The following PPP1R9A variants were observed in gnomAD, a reference collection of about 807,000 sequenced individuals.
PPP1R9A encodes protein phosphatase 1 regulatory subunit 9A.
In PPP1R9A, 59 loss-of-function variants were observed where a neutral mutation model predicts 141.9. That is an observed-to-expected ratio of 0.42 (90% confidence interval 0.34 to 0.52). PPP1R9A has a LOEUF of 0.52. Among genes scored for constraint, PPP1R9A ranks in the 20% least tolerant of loss-of-function variants. The probability of loss-of-function intolerance (pLI) is 0.10; values close to 1 mark genes in which losing one functional copy is unlikely to be tolerated. For synonymous variants in PPP1R9A, 500 were observed against 569.7 expected, an observed-to-expected ratio of 0.88 and a Z score of 1.74; for missense variants, 1,444 against 1,611.9, an observed-to-expected ratio of 0.90 and a Z score of 1.78.
intron 2 of PPP1R9A, among the ~76,000 whole-genome samples, chr7:95,056,451 C>G (rs1308050150): frequency 6.6e-6 from 1 of 152,086 alleles, no homozygotes; most frequent in Non-Finnish European, 1.5e-5. Flanking sequence ...TATATTTTTT[C>G]TTGTAGTACT....
intron 2 of PPP1R9A, chr7:95,018,465 TG>T (rs752171972): frequency 6.5e-6 from 1 of 153,732 alleles, no homozygotes; most frequent in Non-Finnish European, 1.5e-5. Context: ...ACACAATCTT[TG>T]GGAATATTTT....
At chr7:95,034,374 C>T (rs1808143952) in intron 2 of PPP1R9A, among the ~76,000 whole-genome samples, 1 of 152,046 alleles carries the variant, frequency 6.6e-6, no homozygotes, top group Non-Finnish European at 1.5e-5. Context: ...AGCATTTATT[C>T]TAAATATATT....
At chr7:94,955,216 G>C (rs1044575711) in intron 2 of PPP1R9A, among the ~76,000 whole-genome samples, 8 of 151,724 alleles carry the variant, frequency 5.3e-5, no homozygotes, top group Non-Finnish European at 1.2e-4. Flanking sequence ...GAAATCTTAT[G>C]CTTACTCTTA....
At chr7:94,957,141 T>G (rs1245493792) in intron 2 of PPP1R9A, among the ~76,000 whole-genome samples, 1 of 152,102 alleles carries the variant, frequency 6.6e-6, no homozygotes, top group Non-Finnish European at 1.5e-5. Flanking sequence ...TACACTACAG[T>G]TTTATCGGTT....
intron 16 of PPP1R9A, among the ~76,000 whole-genome samples, chr7:95,276,477 C>T (rs1379547154): frequency 6.6e-6 from 1 of 152,154 alleles, no homozygotes; most frequent in Non-Finnish European, 1.5e-5. Context: ...TTGGCTGCCT[C>T]GCCACCACTG....
chr7:95,151,941 C>CTTTTTTTTTTTTTT lies in PPP1R9A; in HGVS notation c.1650-9910_1650-9897dup, dbSNP rs1167382285. Among the ~76,000 whole-genome samples, 34 of 54,462 alleles carry CTTTTTTTTTTTTTT rather than the reference C, an allele frequency of 6.2e-4. 4 individuals carry two copies. Among genetic ancestry groups the CTTTTTTTTTTTTTT allele is most frequent in the Admixed American group, 1.8e-3 (6 of 3,320 alleles). The allele number at this position is 54,462 out of a possible 152,430, so 35.7% of individuals were successfully genotyped here. A position where few individuals can be genotyped will look rare whatever the true frequency, so the allele number is the denominator to read the frequency against. ...AATGTCAGCACATAGTACTGAGAAT[C>CTTTTTTTTTTTTTT]TTTTTTTTTTTTTTTTTTTTTTTTT... On this transcript the variant is annotated intron_variant, in intron 4 of 19. Transcript: ENST00000433360.
In PPP1R9A at chr7:95,155,554, AG is replaced by A. The variant is rs141309741; in HGVS notation, c.1650-6312del. On this transcript the variant is annotated intron_variant, in intron 4 of 19. Coordinates refer to ENST00000433360, the MANE Select transcript of PPP1R9A (RefSeq NM_001166160.2). ...GTCTCTCCTCCTAAACAGCTCCTGAAGTACATTTCTGTGCTATCACAGTTTG... is the reference window on the plus strand; with the variant it reads ...GTCTCTCCTCCTAAACAGCTCCTGAATACATTTCTGTGCTATCACAGTTTG... 13 of 152,292 alleles carry A rather than the reference AG, an allele frequency of 8.5e-5. No individual in the cohort carries two copies. In the East Asian group the frequency reaches 2.5e-3, roughly 29 times the overall value. 9.4% of individuals were successfully genotyped at this position (152,292 alleles called of 1,614,324 possible).
intron 2 of PPP1R9A, chr7:95,098,143 C>T (rs941244446): frequency 6.6e-6 from 1 of 152,154 alleles, no homozygotes; most frequent in African/African-American, 2.4e-5. Context: ...TACAGAATAC[C>T]TTCAAAGTGA....
chr7:95,247,122 C>T (rs1257830190), intron 8 of PPP1R9A, among the ~76,000 whole-genome samples: 1 of 152,126 alleles, frequency 6.6e-6, no homozygotes, highest in Non-Finnish European at 1.5e-5. Flanking sequence ...GCTCACTTGC[C>T]TGTGTATGCC....
chr7:95,247,144 T>A (rs1798227337), intron 8 of PPP1R9A, among the ~76,000 whole-genome samples: 1 of 152,160 alleles, frequency 6.6e-6, no homozygotes, highest in Non-Finnish European at 1.5e-5. Flanking sequence ...TTCAGTTAGC[T>A]AGACTTAGCA....
At chr7:95,207,747 T>A (rs932419724) in intron 7 of PPP1R9A, among the ~76,000 whole-genome samples, 4 of 152,178 alleles carry the variant, frequency 2.6e-5, no homozygotes, top group African/African-American at 9.6e-5. Flanking sequence ...ATAGATAAGT[T>A]ATTAGAAATA....
chr7:95,111,212 G>T lies in PPP1R9A; in HGVS notation c.1396-47G>T, dbSNP rs528438096. On this transcript the variant is annotated intron_variant, in intron 2 of 19. Coordinates refer to ENST00000433360, the MANE Select transcript of PPP1R9A (RefSeq NM_001166160.2). The stretch of plus-strand genomic sequence containing the variant: ...TTACATAGTTTTGGATACCTGGCAG[G>T]TTTTTTTTTTTTTCTGTATTATCAT... The T allele has an allele frequency of 5.0e-5, 63 of 1,253,838 alleles. No individual in the cohort carries two copies. In the East Asian group the frequency reaches 1.2e-3, roughly 25 times the overall value. 77.7% of individuals were successfully genotyped at this position (1,253,838 alleles called of 1,614,324 possible).
intron 4 of PPP1R9A, among the ~76,000 whole-genome samples, chr7:95,138,766 T>C (rs1017948772): frequency 4.6e-5 from 7 of 152,202 alleles, no homozygotes; most frequent in Non-Finnish European, 8.8e-5. Flanking sequence ...ATATATTCAA[T>C]GTAATAGCAA....
At chr7:95,052,114 A>G (rs2152000624) in intron 2 of PPP1R9A, among the ~76,000 whole-genome samples, 2 of 152,296 alleles carry the variant, frequency 1.3e-5, no homozygotes, top group Middle Eastern at 6.8e-3. Context: ...TGCTGGGATT[A>G]TAGGCAGGAG....
At chr7:94,985,632 A>C (rs1034549079) in intron 2 of PPP1R9A, among the ~76,000 whole-genome samples, 1 of 152,060 alleles carries the variant, frequency 6.6e-6, no homozygotes, top group Non-Finnish European at 1.5e-5. Context: ...TTTATCAGAG[A>C]CTGGGATTGC....
intron 18 of PPP1R9A, 120 bp downstream of exon 18, chr7:95,286,445 A>C: frequency 2.1e-6 from 3 of 1,428,618 alleles, no homozygotes; most frequent in Non-Finnish European, 9.2e-7. Flanking sequence ...ACTGTGGTTT[A>C]TGTTTAATTT....
chr7:95,134,941 C>T (rs531512924), intron 4 of PPP1R9A, among the ~76,000 whole-genome samples: 88 of 152,202 alleles, frequency 5.8e-4, no homozygotes, highest in African/African-American at 1.9e-3. Flanking sequence ...CAGTATTATA[C>T]GTTAGGGCTG....
Position 94,911,318 on chromosome 7 carries a change from A to C in PPP1R9A, c.1205A>C (p.Asn402Thr), listed in dbSNP as rs1222814600. 6.2e-7 allele frequency: 1 copy of C among 1,613,988 alleles called. No individual in the cohort carries two copies. The highest frequency in any genetic ancestry group is 1.3e-5 in the African/African-American group (1 of 74,930). ...GSHVYMHSDY[N>T]VYRVRSRYNS... ...CATGTGTACATGCACAGTGACTATAATGTGTATAGGGTGAGATCCAGGTAT... is the reference window on the plus strand; with the variant it reads ...CATGTGTACATGCACAGTGACTATACTGTGTATAGGGTGAGATCCAGGTAT... The change falls in exon 2 of 20, where the codon AAT becomes ACT. Residue 402 changes from asparagine (N) to threonine (T), a missense_variant. Asn to Thr is a moderately conservative substitution (Grantham distance 65). Coordinates refer to ENST00000433360, the MANE Select transcript of PPP1R9A (RefSeq NM_001166160.2).
intron 8 of PPP1R9A, among the ~76,000 whole-genome samples, chr7:95,243,065 G>A (rs750178843): frequency 1.3e-5 from 2 of 152,108 alleles, no homozygotes; most frequent in South Asian, 2.1e-4. Context: ...TTCATTTGTC[G>A]AGGTCCTTCA....
Sources: gnomAD v4.1 joint callset for allele counts (sites outside exome capture counted in the v4.1 genomes callset) on GRCh38, gnomAD v4.1.1 for gene constraint, MANE v1.5 for transcripts, NCBI Gene and HGNC (gene_info 2026-07-23, HGNC 2026-07-21) for gene names.